Variants in SH3GL3 observed in about 807,000 individuals in gnomAD.
SH3GL3 encodes endophilin-A3.
In SH3GL3, 33 loss-of-function variants were observed where a neutral mutation model predicts 47.7. The ratio of observed to expected loss-of-function variants is 0.69; its 90% confidence interval spans 0.52 to 0.92. SH3GL3 has a LOEUF of 0.92. SH3GL3 is among the 40% of genes least tolerant of loss of function. The probability of loss-of-function intolerance (pLI) is 0.00; values close to 1 mark genes in which losing one functional copy is unlikely to be tolerated. For synonymous variants in SH3GL3, 155 were observed against 148.8 expected (o/e 1.04, Z -0.30); for missense variants, 363 against 417.8 (o/e 0.87, Z 1.14).
At chr15:83,598,965 A>G (rs2060307777) in intron 8 of SH3GL3, among the ~76,000 whole-genome samples, 1 of 152,234 alleles carries the variant, frequency 6.6e-6, no homozygotes, top group South Asian at 2.1e-4. Flanking sequence ...AATTGATTTT[A>G]TAAAAAACGT....
intron 8 of SH3GL3, among the ~76,000 whole-genome samples, chr15:83,616,251 C>CTTTTTT (rs10661412): frequency 3.5e-5 from 4 of 114,166 alleles, no homozygotes; most frequent in African/African-American, 6.9e-5. Context: ...ATTGTGATTG[C>CTTTTTT]TTTTTTTTTT....
At chr15:83,549,667 C>T (rs976628330) in intron 1 of SH3GL3, among the ~76,000 whole-genome samples, 1 of 152,198 alleles carries the variant, frequency 6.6e-6, no homozygotes, top group East Asian at 1.9e-4. Context: ...GTGTATTCAG[C>T]TTAGGAAATG....
intron 1 of SH3GL3, among the ~76,000 whole-genome samples, chr15:83,552,212 G>A (rs2044701927): frequency 6.6e-6 from 1 of 152,176 alleles, no homozygotes; most frequent in South Asian, 2.1e-4. Context: ...GATATTAGAT[G>A]TTTCAGAAAT....
chr15:83,481,798 T>C (rs1414497313), intron 1 of SH3GL3, among the ~76,000 whole-genome samples: 2 of 152,230 alleles, frequency 1.3e-5, no homozygotes, highest in Non-Finnish European at 2.9e-5. Context: ...TTGCTATTTC[T>C]CTCTCCAAGA....
At chr15:83,493,107 G>C (rs2041943158) in intron 1 of SH3GL3, among the ~76,000 whole-genome samples, 1 of 152,048 alleles carries the variant, frequency 6.6e-6, no homozygotes, top group Admixed American at 6.5e-5. Flanking sequence ...ATTTCTTTAG[G>C]TTTGATTGTT....
chr15:83,477,419 T>TG (rs2041150257), intron 1 of SH3GL3, among the ~76,000 whole-genome samples: 1 of 152,202 alleles, frequency 6.6e-6, no homozygotes, highest in Non-Finnish European at 1.5e-5. Flanking sequence ...AAATTATTCT[T>TG]GGGGGTGATG....
intron 1 of SH3GL3, among the ~76,000 whole-genome samples, chr15:83,526,062 T>C (rs903511333): frequency 7.2e-5 from 11 of 152,338 alleles, no homozygotes; most frequent in Middle Eastern, 3.4e-3. Context: ...ATAAAAAATG[T>C]CATTGGTATT....
At chr15:83,569,852 G>A (rs1438973150) in intron 4 of SH3GL3, among the ~76,000 whole-genome samples, 1 of 152,084 alleles carries the variant, frequency 6.6e-6, no homozygotes, top group Non-Finnish European at 1.5e-5. Flanking sequence ...TGCATCAGGA[G>A]GTCCATTTTT....
At chr15:83,467,744 C>A (rs1018146764) in intron 1 of SH3GL3, among the ~76,000 whole-genome samples, 1 of 152,064 alleles carries the variant, frequency 6.6e-6, no homozygotes, top group African/African-American at 2.4e-5. Context: ...GCACATAGAT[C>A]GTGTGCATGT....
intron 2 of SH3GL3, among the ~76,000 whole-genome samples, chr15:83,560,679 T>G (rs1032284929): frequency 1.1e-4 from 16 of 152,142 alleles, no homozygotes; most frequent in African/African-American, 3.6e-4. Flanking sequence ...ATTACAGCAG[T>G]GAAAAGCATG....
At chr15:83,550,296 CT>C (rs1481018748) in intron 1 of SH3GL3, among the ~76,000 whole-genome samples, 1 of 152,192 alleles carries the variant, frequency 6.6e-6, no homozygotes, top group Non-Finnish European at 1.5e-5. Context: ...GGAGATTTTC[CT>C]ATTAGACAAC....
chr15:83,566,728 A>T (rs2045565010), intron 3 of SH3GL3, among the ~76,000 whole-genome samples: 2 of 152,176 alleles, frequency 1.3e-5, no homozygotes. Context: ...GTGAGCCATG[A>T]TCATACCACT....
intron 1 of SH3GL3, among the ~76,000 whole-genome samples, chr15:83,519,354 T>G (rs1332388406): frequency 6.6e-6 from 1 of 152,182 alleles, no homozygotes; most frequent in Non-Finnish European, 1.5e-5. Context: ...TTCAGCAGCG[T>G]TTTGTACTTC....
chr15:83,462,300 G>T (rs978952510), intron 1 of SH3GL3, among the ~76,000 whole-genome samples: 3 of 152,140 alleles, frequency 2.0e-5, no homozygotes, highest in Non-Finnish European at 4.4e-5. Flanking sequence ...CTTACCCCTT[G>T]TAATGCCTCC....
chr15:83,551,920 A>G (rs112749162), intron 1 of SH3GL3, among the ~76,000 whole-genome samples: 3,839 of 152,284 alleles, frequency 0.025, 160 homozygotes, highest in African/African-American at 0.084. Context: ...TTCTTTGCTT[A>G]TACTATTCTT....
At chr15:83,477,620 T>TG (rs1320172472) in intron 1 of SH3GL3, among the ~76,000 whole-genome samples, 1 of 152,200 alleles carries the variant, frequency 6.6e-6, no homozygotes, top group Non-Finnish European at 1.5e-5. Context: ...TGGCGTCTAT[T>TG]GGAGCAGGCG....
rs569055539 is a variant in SH3GL3 at position 83,562,675 on chromosome 15, C to T, written c.115-2459C>T. ...AACAGATTCAATCCTTAAATATTTA[C>T]CACCAGTTATATAATTAAGCAAATT... is the stretch of plus-strand genomic sequence containing the variant. On this transcript the variant is annotated intron_variant, in intron 2 of 8. Coordinates refer to ENST00000427482, the MANE Select transcript of SH3GL3 (RefSeq NM_003027.5). 2.0e-5 allele frequency among the ~76,000 whole-genome samples: 3 copies of T among 152,216 alleles called. No individual in the cohort carries two copies. In the South Asian group the frequency reaches 6.2e-4, roughly 32 times the overall value.
chr15:83,572,722 T>C (rs747907842), intron 5 of SH3GL3, 24 bp downstream of exon 5: 1 of 1,510,652 alleles, frequency 6.6e-7, no homozygotes, highest in Non-Finnish European at 9.1e-7. Flanking sequence ...GGTATAAATA[T>C]ACCTGTTGCT....
At chr15:83,481,535 G>A (rs1251096963) in intron 1 of SH3GL3, among the ~76,000 whole-genome samples, 1 of 152,128 alleles carries the variant, frequency 6.6e-6, no homozygotes, top group African/African-American at 2.4e-5. Context: ...TACTTGACTT[G>A]AGTTACATTA....
Sources: allele counts gnomAD v4.1 joint callset (sites outside exome capture counted in the v4.1 genomes callset), GRCh38; gene constraint gnomAD v4.1.1; transcripts MANE v1.5; gene names NCBI Gene and HGNC (gene_info 2026-07-23, HGNC 2026-07-21).